ARB2A: variants seen among roughly 807,000 people sequenced by gnomAD.
ARB2A encodes the protein ARB2 cotranscriptional regulator A.
the ARB2A span, among the ~76,000 whole-genome samples, chr5:93,997,343 C>T: frequency 6.6e-6 from 1 of 151,948 alleles, no homozygotes; most frequent in Non-Finnish European, 1.5e-5. Flanking sequence ...TAGCATAGCA[C>T]TAAGACAATT....
the ARB2A span, among the ~76,000 whole-genome samples, chr5:93,985,124 C>T: frequency 2.0e-5 from 3 of 152,170 alleles, no homozygotes; most frequent in South Asian, 4.1e-4. Context: ...ACTAAACACT[C>T]TGTGTTGCAC....
the ARB2A span, among the ~76,000 whole-genome samples, chr5:93,843,874 T>G: frequency 6.6e-6 from 1 of 151,276 alleles, no homozygotes; most frequent in South Asian, 2.1e-4. Flanking sequence ...ACAGAAAAAA[T>G]AGAAGGCAGG....
At chr5:94,060,570 T>A in the ARB2A span, among the ~76,000 whole-genome samples, 2 of 152,130 alleles carry the variant, frequency 1.3e-5, no homozygotes, top group Admixed American at 6.5e-5. Context: ...ACTGGAGAAA[T>A]CTCCAAAATA....
chr5:93,944,575 C>T, the ARB2A span, among the ~76,000 whole-genome samples: 294 of 139,880 alleles, frequency 2.1e-3, 1 homozygote, highest in African/African-American at 7.6e-3. Flanking sequence ...CACTCTGCCT[C>T]ATGAAAAGAA....
chr5:93,854,305 C>A, the ARB2A span, among the ~76,000 whole-genome samples: 1 of 152,042 alleles, frequency 6.6e-6, no homozygotes, highest in Non-Finnish European at 1.5e-5. Flanking sequence ...GTGGTGGCAT[C>A]CCCTTTATCA....
At chr5:93,706,556 T>C in the ARB2A span, among the ~76,000 whole-genome samples, 1 of 152,166 alleles carries the variant, frequency 6.6e-6, no homozygotes. Context: ...TTTCATGTTA[T>C]GTGTATTTCC....
chr5:94,065,080 C>A, the ARB2A span, among the ~76,000 whole-genome samples: 2 of 152,228 alleles, frequency 1.3e-5, no homozygotes, highest in Admixed American at 1.3e-4. Context: ...TCAATAATAA[C>A]CTTTAATATA....
At chr5:94,085,053 T>C in the ARB2A span, among the ~76,000 whole-genome samples, 2 of 152,132 alleles carry the variant, frequency 1.3e-5, no homozygotes, top group African/African-American at 4.8e-5. Context: ...TAATACAGAT[T>C]CTTATTCATG....
chr5:93,783,883 A>T, the ARB2A span, among the ~76,000 whole-genome samples: 1 of 152,182 alleles, frequency 6.6e-6, no homozygotes, highest in Admixed American at 6.5e-5. Context: ...GGTTTCTCTT[A>T]GCTCAAGGGT....
chr5:93,824,193 C>T, the ARB2A span: 16 of 1,595,378 alleles, frequency 1.0e-5, no homozygotes, highest in African/African-American at 1.4e-5. Context: ...CAACGAAAAA[C>T]ACATTCTCAG....
chr5:93,791,941 GA>G, the ARB2A span, among the ~76,000 whole-genome samples: 24 of 145,618 alleles, frequency 1.6e-4, no homozygotes, highest in African/African-American at 4.0e-4. Context: ...AAAAGAAAAG[GA>G]AAAAAAAAAG....
the ARB2A span, among the ~76,000 whole-genome samples, chr5:93,650,556 G>A: frequency 1.3e-5 from 2 of 152,060 alleles, no homozygotes; most frequent in Non-Finnish European, 2.9e-5. Context: ...ATATGTAATT[G>A]GAGTCCCAGA....
chr5:93,762,875 GA>G, the ARB2A span, among the ~76,000 whole-genome samples: 2 of 152,220 alleles, frequency 1.3e-5, no homozygotes, highest in African/African-American at 4.8e-5. Context: ...CTACAAGCCA[GA>G]AGAGAGTGGG....
chr5:93,716,499 A>C, the ARB2A span, among the ~76,000 whole-genome samples: 16,380 of 152,120 alleles, frequency 0.11, 1,018 homozygotes, highest in Middle Eastern at 0.18. Context: ...AGTTTTGCTA[A>C]TGATTTATTC....
chr5:93,873,669 T>C, the ARB2A span, among the ~76,000 whole-genome samples: 1 of 152,166 alleles, frequency 6.6e-6, no homozygotes, highest in Non-Finnish European at 1.5e-5. Flanking sequence ...CAGTTAATGA[T>C]TATATTTTAA....
the ARB2A span, among the ~76,000 whole-genome samples, chr5:94,012,745 C>T: frequency 1.3e-5 from 2 of 152,086 alleles, no homozygotes; most frequent in African/African-American, 4.8e-5. Flanking sequence ...AGACTGTTAT[C>T]AAGCAGAATT....
At chr5:93,915,646 C>A in the ARB2A span, among the ~76,000 whole-genome samples, 1 of 151,828 alleles carries the variant, frequency 6.6e-6, no homozygotes, top group African/African-American at 2.4e-5. Flanking sequence ...ATATGAAACC[C>A]AAATATCTGA....
chr5:93,747,093 G>A, the ARB2A span, among the ~76,000 whole-genome samples: 4 of 151,924 alleles, frequency 2.6e-5, no homozygotes, highest in Non-Finnish European at 4.4e-5. Context: ...CTGGTTTAAC[G>A]AAAAATTTTT....
chr5:93,806,396 C>T, the ARB2A span, among the ~76,000 whole-genome samples: 1 of 151,772 alleles, frequency 6.6e-6, no homozygotes, highest in Non-Finnish European at 1.5e-5. Flanking sequence ...CAATTTTAGA[C>T]ATTCTAAGTT....
Sources: gnomAD v4.1 joint callset for allele counts (sites outside exome capture counted in the v4.1 genomes callset) on GRCh38, gnomAD v4.1.1 for gene constraint, MANE v1.5 for transcripts, NCBI Gene and HGNC (gene_info 2026-07-23, HGNC 2026-07-21) for gene names.